The following HABP2 variants were observed in gnomAD, a reference collection of about 807,000 sequenced individuals.
HABP2 encodes the protein factor VII-activating protease.
HABP2 carries 65 observed loss-of-function variants against 66.5 expected under a neutral mutation model. The observed-to-expected ratio is 0.98, with a 90% CI of 0.80 to 1.20. The LOEUF is 1.20. HABP2 is among the 50% of genes most tolerant of loss of function. The pLI is 0.00. For missense variants in HABP2, 786 were observed against 691.0 expected, an observed-to-expected ratio of 1.14 and a Z score of -1.54; for synonymous variants, 263 against 253.9, an observed-to-expected ratio of 1.04 and a Z score of -0.34.
rs1325307357 is a variant in HABP2, at chr10:113,588,473, A to C, written c.*104A>C. ...CTCCAGAGCCTCCAGGGGACCACACAGTAGACTATCCCTACTCTAAGCAGA... is the reference window on the plus strand; with the variant it reads ...CTCCAGAGCCTCCAGGGGACCACACCGTAGACTATCCCTACTCTAAGCAGA... On this transcript the variant is annotated 3_prime_UTR_variant, in exon 13 of 13. Coordinates refer to ENST00000351270, the MANE Select transcript of HABP2 (RefSeq NM_004132.5). 2 of 798,164 alleles carry C rather than the reference A, an allele frequency of 2.5e-6. No individual in the cohort carries two copies. The highest frequency in any genetic ancestry group is 3.9e-6 in the Non-Finnish European group (2 of 508,866). The allele number at this position is 798,164 out of a possible 1,614,324, so 49.4% of individuals were successfully genotyped here.
chr10:113,586,742 T>C (rs1232200538), intron 12 of HABP2, among the ~76,000 whole-genome samples: 1 of 152,192 alleles, frequency 6.6e-6, no homozygotes, highest in Non-Finnish European at 1.5e-5. Flanking sequence ...TTTCTGACTG[T>C]TGTCCCCATA....
chr10:113,581,307 C>G (rs1260586369), intron 8 of HABP2, among the ~76,000 whole-genome samples: 2 of 152,242 alleles, frequency 1.3e-5, no homozygotes, highest in Non-Finnish European at 2.9e-5. Context: ...CTTGATTTCT[C>G]AAGTAAAATG....
In HABP2 at chr10:113,581,807, C is replaced by T. The variant is rs1845539093; in HGVS notation, c.839-69C>T. The T allele has an allele frequency of 1.4e-5, 21 of 1,527,528 alleles. No homozygotes were observed. The East Asian group carries it at 3.8e-4, about 28-fold the overall frequency. The allele number at this position is 1,527,528 out of a possible 1,614,324, so 94.6% of individuals were successfully genotyped here. A position where few individuals can be genotyped will look rare whatever the true frequency, so the allele number is the denominator to read the frequency against. On this transcript the variant is annotated intron_variant, in intron 8 of 12. Transcript: ENST00000351270. Reference sequence around the variant, plus strand: ...AGCTGTTGGGCTCAGAGTCATACCTCTGCCTGAGCCCTGCTGAGGAACTGG... The same window carrying T: ...AGCTGTTGGGCTCAGAGTCATACCTTTGCCTGAGCCCTGCTGAGGAACTGG...
intron 3 of HABP2, 48 bp downstream of exon 3, chr10:113,574,453 C>A (rs372168368): frequency 3.2e-6 from 3 of 941,044 alleles, no homozygotes; most frequent in African/African-American, 1.6e-5. Context: ...AAGGTCAGAG[C>A]GGAGTGTATG....
chr10:113,557,895 A>G (rs1328698771), intron 1 of HABP2, among the ~76,000 whole-genome samples: 1 of 152,224 alleles, frequency 6.6e-6, no homozygotes, highest in African/African-American at 2.4e-5. Context: ...CATTTTACAG[A>G]CAAGAAACTA....
chr10:113,567,885 G>A (rs550363274), intron 2 of HABP2, among the ~76,000 whole-genome samples: 3 of 152,338 alleles, frequency 2.0e-5, no homozygotes, highest in African/African-American at 2.4e-5. Flanking sequence ...AAGTGAGGGC[G>A]AGATGAAAAA....
At position 113,585,936 on chromosome 10, in the gene HABP2, C is replaced by T. The variant is rs1271253614; in HGVS notation, c.1516C>T (p.Gln506Ter). ...NLQKPGQDTCQGDSGGPLTCE... is the reference protein window; with the variant it reads ...NLQKPGQDTC ...TCAGAAACCTGGGCAAGACACCTGC[C>T]AGGTCAGAGACTCCAAGTGGTGCTT... Residue 506 changes from glutamine to a stop codon, truncating the protein, a stop_gained and splice_region_variant, in exon 12 of 13, where the codon CAG becomes TAG. Coordinates refer to ENST00000351270, the MANE Select transcript of HABP2 (RefSeq NM_004132.5). LOFTEE classifies it high-confidence loss of function. 3 of 1,613,524 alleles carry T rather than the reference C, an allele frequency of 1.9e-6. No individual in the cohort carries two copies. Among genetic ancestry groups the T allele is most frequent in the Non-Finnish European group, 2.5e-6 (3 of 1,179,514 alleles).
intron 7 of HABP2, among the ~76,000 whole-genome samples, 179 bp from the exon 8 acceptor site, chr10:113,580,416 C>T (rs963703225): frequency 1.3e-5 from 2 of 152,014 alleles, no homozygotes; most frequent in African/African-American, 4.8e-5. Flanking sequence ...AAGATTTTGC[C>T]AGAAAAAATA....
intron 12 of HABP2, among the ~76,000 whole-genome samples, chr10:113,586,678 G>T (rs1845642507): frequency 6.6e-6 from 1 of 152,020 alleles, no homozygotes; most frequent in Non-Finnish European, 1.5e-5. Context: ...TATCTGTAGG[G>T]ATCACATCAC....
chr10:113,559,817 T>G (rs891833376), intron 1 of HABP2, among the ~76,000 whole-genome samples: 1 of 152,220 alleles, frequency 6.6e-6, no homozygotes, highest in Non-Finnish European at 1.5e-5. Flanking sequence ...AGCTCAGCCC[T>G]TAGCTGGGTA....
chr10:113,577,034 C>A, intron 4 of HABP2, 116 bp from the exon 5 acceptor site: 1 of 711,062 alleles, frequency 1.4e-6, no homozygotes, highest in South Asian at 1.7e-5. Context: ...GTTTCAGGAC[C>A]ACGGACAAGG....
At chr10:113,574,119 A>G (rs551853502) in intron 2 of HABP2, among the ~76,000 whole-genome samples, 170 bp from the exon 3 acceptor site, 20 of 152,302 alleles carry the variant, frequency 1.3e-4, no homozygotes, top group Admixed American at 5.2e-4. Flanking sequence ...GAAAAGATGC[A>G]AAGCCTGAGC....
In HABP2 at chr10:113,588,705, T is replaced by C. The variant is rs1288624241; in HGVS notation, c.*336T>C. 2 of 542,964 alleles carry C rather than the reference T, an allele frequency of 3.7e-6. No individual in the cohort carries two copies. The highest frequency in any genetic ancestry group is 5.9e-5 in the East Asian group (2 of 33,756). The allele number at this position is 542,964 out of a possible 1,614,324, so 33.6% of individuals were successfully genotyped here. ...CATCCTGCAAATGCAGACTCCAGAA[T>C]CCCCAGCATCAGCGGGAACCACCAT... is the stretch of plus-strand genomic sequence containing the variant. On this transcript the variant is annotated 3_prime_UTR_variant, in exon 13 of 13. Coordinates refer to ENST00000351270, the MANE Select transcript of HABP2 (RefSeq NM_004132.5).
intron 4 of HABP2, 94 bp downstream of exon 4, chr10:113,576,098 G>T: frequency 1.3e-6 from 1 of 751,616 alleles, no homozygotes; most frequent in Non-Finnish European, 2.4e-6. Flanking sequence ...CCATGGAAAG[G>T]ATTATAACTG....
chr10:113,578,566 C>T, intron 6 of HABP2, 61 bp from the exon 7 acceptor site: 1 of 1,241,398 alleles, frequency 8.1e-7, no homozygotes, highest in Non-Finnish European at 1.2e-6. Context: ...CCACCAAGCC[C>T]TTTTTGGGAG....
intron 11 of HABP2, among the ~76,000 whole-genome samples, chr10:113,584,581 G>A (rs1845599695): frequency 6.6e-6 from 1 of 152,210 alleles, no homozygotes; most frequent in Non-Finnish European, 1.5e-5. Context: ...AGATTGGAAA[G>A]AGGAAAGATC....
rs1845368752 is a variant in HABP2 at position 113,574,326 on chromosome 10, T to A, written c.144T>A (p.Asp48Glu). The change falls in exon 3 of 13, where the codon GAT becomes GAA. Residue 48 changes from aspartate to glutamate, a missense_variant. Transcript: ENST00000351270. The part of the protein sequence containing the change: ...TPDQYDYSYE[D>E]YNQEENTSST... ...ACCAGTATGATTACAGCTACGAGGA[T>A]TATAATCAGGAAGAGAACACCAGTA... The A allele has an allele frequency of 6.2e-7, 1 of 1,606,006 alleles. No individual in the cohort carries two copies. Among genetic ancestry groups the A allele is most frequent in the Admixed American group, 1.7e-5 (1 of 59,996 alleles).
chr10:113,578,011 T>C lies in HABP2; in HGVS notation c.449-15T>C, dbSNP rs763955525. ...CTTCTGAAGAGCCTTCCTGGCCCCA[T>C]TCCTGTGTTCACAGTGGTTCCTGTA... is the stretch of plus-strand genomic sequence containing the variant. On this transcript the variant is annotated splice_polypyrimidine_tract_variant and intron_variant, in intron 5 of 12. Transcript: ENST00000351270. 1 of 1,613,608 alleles carries C rather than the reference T, an allele frequency of 6.2e-7. No homozygotes were observed. Among genetic ancestry groups the C allele is most frequent in the Non-Finnish European group, 8.5e-7 (1 of 1,179,840 alleles).
rs11575746 is a variant in HABP2, at chr10:113,574,691, G to T, written c.223+286G>T. ...TCATGCAGCAAGTTAATGCAGCATT[G>T]TCCAGGTTTCCTGATGCTGTGAATA... On this transcript the variant is annotated intron_variant, in intron 3 of 12. Transcript: ENST00000351270. 9.8e-3 allele frequency among the ~76,000 whole-genome samples: 1,489 copies of T among 152,264 alleles called. 33 individuals are homozygous for T. The highest frequency in any genetic ancestry group is 0.034 in the African/African-American group (1,426 of 41,514).
Sources: allele counts gnomAD v4.1 joint callset (sites outside exome capture counted in the v4.1 genomes callset), GRCh38; gene constraint gnomAD v4.1.1; transcripts MANE v1.5; gene names NCBI Gene and HGNC (gene_info 2026-07-23, HGNC 2026-07-21).